SH3PXD2A: variants seen among roughly 807,000 people sequenced by gnomAD.
SH3PXD2A encodes SH3 and PX domain-containing protein 2A.
SH3PXD2A carries 32 observed loss-of-function variants against 115.2 expected under a neutral mutation model. That is an observed-to-expected ratio of 0.28 (90% CI 0.21 to 0.37). The LOEUF is 0.37. Ranked by LOEUF, SH3PXD2A falls within the 10% of genes least tolerant of loss-of-function variation. The probability of loss-of-function intolerance (pLI) is 1.00; values close to 1 mark genes in which losing one functional copy is unlikely to be tolerated. For synonymous variants in SH3PXD2A, 610 were observed against 629.1 expected, an observed-to-expected ratio of 0.97 and a Z score of 0.45; for missense variants, 1,328 against 1,498.7, an observed-to-expected ratio of 0.89 and a Z score of 1.88.
chr10:103,660,136 C>T (rs2037270045), intron 8 of SH3PXD2A, among the ~76,000 whole-genome samples: 2 of 152,148 alleles, frequency 1.3e-5, no homozygotes, highest in South Asian at 4.1e-4. Flanking sequence ...CTGCAGCAAA[C>T]CGAAACTGAA....
chr10:103,719,948 G>A (rs1267062354), intron 5 of SH3PXD2A, among the ~76,000 whole-genome samples: 6 of 152,132 alleles, frequency 3.9e-5, no homozygotes. Context: ...TCAAAGTCCT[G>A]ACCTCAGGTG....
rs1210655771 is a variant in SH3PXD2A at position 103,599,460 on chromosome 10, G to A, written c.*2356C>T. 2.0e-5 allele frequency: 3 copies of A among 152,630 alleles called. No homozygotes were observed. Among genetic ancestry groups the A allele is most frequent in the Admixed American group, 6.5e-5 (1 of 15,282 alleles). The allele number at this position is 152,630 out of a possible 1,614,324, so 9.5% of individuals were successfully genotyped here. A position where few individuals can be genotyped will look rare whatever the true frequency, so the allele number is the denominator to read the frequency against. ...TCAGTGCAGACATCTGAGGAGCGAG[G>A]CTGCAGGGCCCTCCCCCTGGAAGAT... On this transcript the variant is annotated 3_prime_UTR_variant, in exon 15 of 15. Transcript: ENST00000369774.
chr10:103,790,468 C>T lies in SH3PXD2A; in HGVS notation c.153+10814G>A, dbSNP rs1317312990. 2.0e-5 allele frequency among the ~76,000 whole-genome samples: 3 copies of T among 152,148 alleles called. No homozygotes were observed. The East Asian group carries it at 5.8e-4, about 29-fold the overall frequency. ...CGCGCCCGGCCCAGAAAGAGGACTT[C>T]TGAGTGGAAGGCTAGGAACTCAGAT... is the stretch of plus-strand genomic sequence containing the variant. On this transcript the variant is annotated intron_variant, in intron 2 of 14. Coordinates refer to ENST00000369774, the MANE Select transcript of SH3PXD2A (RefSeq NM_001394015.1).
At chr10:103,684,768 C>A (rs891628441) in intron 6 of SH3PXD2A, among the ~76,000 whole-genome samples, 12 of 152,124 alleles carry the variant, frequency 7.9e-5, no homozygotes, top group Non-Finnish European at 1.2e-4. Flanking sequence ...GCGGTTCACA[C>A]CTGTAATCCC....
intron 7 of SH3PXD2A, among the ~76,000 whole-genome samples, chr10:103,663,542 G>A (rs555987488): frequency 6.6e-6 from 1 of 152,374 alleles, no homozygotes; most frequent in South Asian, 2.1e-4. Flanking sequence ...CACCCAGGGA[G>A]CTTTTTAAAA....
chr10:103,622,832 TA>T (rs2036627823), intron 9 of SH3PXD2A, among the ~76,000 whole-genome samples: 1 of 152,060 alleles, frequency 6.6e-6, no homozygotes, highest in African/African-American at 2.4e-5. Flanking sequence ...CCCAGCACCT[TA>T]GAGAAAAGAG....
At chr10:103,735,597 TG>T in intron 4 of SH3PXD2A, 134 bp downstream of exon 4, 1 of 710,224 alleles carries the variant, frequency 1.4e-6, no homozygotes, top group Non-Finnish European at 2.4e-6. Flanking sequence ...CCCACCCCTC[TG>T]GCCAGGAAAC....
At chr10:103,645,925 G>A (rs1046219827) in intron 8 of SH3PXD2A, among the ~76,000 whole-genome samples, 4 of 152,240 alleles carry the variant, frequency 2.6e-5, no homozygotes, top group Admixed American at 2.6e-4. Flanking sequence ...GCAGCAGAGT[G>A]TACAGGGGAG....
At chr10:103,747,469 G>T (rs902536442) in intron 3 of SH3PXD2A, among the ~76,000 whole-genome samples, 2 of 152,162 alleles carry the variant, frequency 1.3e-5, no homozygotes, top group Admixed American at 6.5e-5. Context: ...ACGGTGGGAC[G>T]CTGGGCAGAG....
intron 5 of SH3PXD2A, among the ~76,000 whole-genome samples, chr10:103,703,712 A>G (rs916939830): frequency 2.0e-5 from 3 of 152,220 alleles, no homozygotes; most frequent in Non-Finnish European, 4.4e-5. Flanking sequence ...TGTGACCAGT[A>G]TGACTCAAAC....
chr10:103,722,997 G>A (rs1399960265), intron 5 of SH3PXD2A, among the ~76,000 whole-genome samples: 1 of 152,168 alleles, frequency 6.6e-6, no homozygotes, highest in Admixed American at 6.5e-5. Context: ...AAGACAGAAG[G>A]GTCCCTTTAG....
intron 6 of SH3PXD2A, among the ~76,000 whole-genome samples, chr10:103,685,490 C>G (rs1013330163): frequency 6.6e-6 from 1 of 152,130 alleles, no homozygotes; most frequent in Non-Finnish European, 1.5e-5. Context: ...ATAGTGGACA[C>G]CCCACCTTCC....
At chr10:103,721,222 G>A (rs892111585) in intron 5 of SH3PXD2A, among the ~76,000 whole-genome samples, 3 of 152,214 alleles carry the variant, frequency 2.0e-5, no homozygotes, top group Admixed American at 6.5e-5. Context: ...GCACCTGGCC[G>A]GGTTATTTGA....
intron 8 of SH3PXD2A, among the ~76,000 whole-genome samples, chr10:103,652,992 A>C (rs1197352870): frequency 6.6e-6 from 1 of 152,100 alleles, no homozygotes; most frequent in Admixed American, 6.5e-5. Flanking sequence ...TGTTCCCTGC[A>C]TTCACCAAGG....
intron 1 of SH3PXD2A, among the ~76,000 whole-genome samples, chr10:103,823,866 G>C (rs927862574): frequency 2.0e-5 from 3 of 152,176 alleles, no homozygotes; most frequent in Admixed American, 2.0e-4. Context: ...CAGGGGACAG[G>C]CTTCAGCTGG....
Position 103,603,091 on chromosome 10 carries a change from AGAGGAG to A in SH3PXD2A, c.2121_2126del (p.Ser709_Ser710del). ...GGTCGCCACTGGTTTTGGACAAGGA[AGAGGAG>A]GAGGAGGAAGAGGAGGAGCAGCAAG... is the stretch of plus-strand genomic sequence containing the variant. On this transcript the variant is annotated inframe_deletion, in exon 15 of 15. Coordinates refer to ENST00000369774, the MANE Select transcript of SH3PXD2A (RefSeq NM_001394015.1). 2 of 1,613,178 alleles carry A rather than the reference AGAGGAG, an allele frequency of 1.2e-6. No individual in the cohort carries two copies. The highest frequency in any genetic ancestry group is 8.5e-7 in the Non-Finnish European group (1 of 1,179,908).
chr10:103,595,278 G>T lies in SH3PXD2A; in HGVS notation c.*6538C>A, dbSNP rs1297329014. On this transcript the variant is annotated 3_prime_UTR_variant, in exon 15 of 15. Transcript: ENST00000369774. Reference sequence around the variant, plus strand: ...CAACCTGCTATGGCTGGACCCTTGGGTGTTAAATCACTAAATTCCCTTTCT... The same window carrying T: ...CAACCTGCTATGGCTGGACCCTTGGTTGTTAAATCACTAAATTCCCTTTCT... The T allele has an allele frequency of 6.6e-6, 1 of 152,190 alleles. No homozygotes were observed. The highest frequency in any genetic ancestry group is 1.5e-5 in the Non-Finnish European group (1 of 68,040). The allele number at this position is 152,190 out of a possible 1,614,324, so 9.4% of individuals were successfully genotyped here.
chr10:103,615,246 TG>T (rs2036492911), intron 11 of SH3PXD2A, among the ~76,000 whole-genome samples: 1 of 152,112 alleles, frequency 6.6e-6, no homozygotes, highest in Non-Finnish European at 1.5e-5. Flanking sequence ...TGTAGAGCTA[TG>T]GGGAGAGGGG....
chr10:103,761,878 G>A (rs146451614), intron 3 of SH3PXD2A, among the ~76,000 whole-genome samples: 205 of 152,320 alleles, frequency 1.3e-3, no homozygotes, highest in Non-Finnish European at 2.4e-3. Flanking sequence ...CTCTGCTGCT[G>A]TATGGCTAAG....
Sources: allele counts gnomAD v4.1 joint callset (sites outside exome capture counted in the v4.1 genomes callset), GRCh38; gene constraint gnomAD v4.1.1; transcripts MANE v1.5; gene names NCBI Gene and HGNC (gene_info 2026-07-23, HGNC 2026-07-21).